Variants in ATP11C observed in about 807,000 individuals in gnomAD.
ATP11C encodes the protein phospholipid-transporting ATPase IG.
ATP11C carries 36 observed loss-of-function variants against 97.4 expected under a neutral mutation model. The observed-to-expected ratio is 0.37, with a 90% confidence interval of 0.28 to 0.49. The LOEUF is 0.49. Among genes scored for constraint, ATP11C ranks in the 20% least tolerant of loss-of-function variants. The probability of loss-of-function intolerance (pLI) is 0.98; values close to 1 mark genes in which losing one functional copy is unlikely to be tolerated. For missense variants in ATP11C, 730 were observed against 824.6 expected, an observed-to-expected ratio of 0.89 and a Z score of 1.40; for synonymous variants, 275 against 290.9, an observed-to-expected ratio of 0.95 and a Z score of 0.56.
At chrX:139,860,188 T>C (rs1282609462) in intron 1 of ATP11C, among the ~76,000 whole-genome samples, 3 of 110,244 alleles carry the variant, frequency 2.7e-5, no homozygotes, top group Non-Finnish European at 3.8e-5. Flanking sequence ...ATAGAGTTCA[T>C]TAGACTTTTC....
intron 1 of ATP11C, among the ~76,000 whole-genome samples, chrX:139,882,280 G>A (rs1373668134): frequency 1.8e-5 from 2 of 111,788 alleles, no homozygotes; most frequent in East Asian, 5.6e-4. Flanking sequence ...AAGTTTTTTG[G>A]AAGAAAAAAC....
At chrX:139,901,252 C>T (rs752947741) in intron 1 of ATP11C, among the ~76,000 whole-genome samples, 31 of 111,440 alleles carry the variant, frequency 2.8e-4, no homozygotes, top group Admixed American at 6.7e-4. Flanking sequence ...TAAGTCAGTG[C>T]CCATCAGAAC....
chrX:139,882,884 G>A (rs1431694277), intron 1 of ATP11C, among the ~76,000 whole-genome samples: 1 of 111,541 alleles, frequency 9.0e-6, no homozygotes, highest in Non-Finnish European at 1.9e-5. Flanking sequence ...CCCAAGGAGT[G>A]GTATGTGCCT....
intron 3 of ATP11C, among the ~76,000 whole-genome samples, chrX:139,818,491 T>C (rs2083335026): frequency 1.8e-5 from 2 of 112,050 alleles, no homozygotes; most frequent in South Asian, 7.4e-4. Context: ...ATTCTATATC[T>C]GTAAGACATC....
chrX:139,921,641 C>A (rs564469009), intron 1 of ATP11C, among the ~76,000 whole-genome samples: 2 of 111,663 alleles, frequency 1.8e-5, no homozygotes, highest in South Asian at 7.5e-4. Context: ...CAAAAGCTTT[C>A]TTATCTAATA....
chrX:139,796,397 A>T lies in ATP11C; in HGVS notation c.1082T>A (p.Val361Asp). The change falls in exon 12 of 30, where the codon GTC becomes GAC. Residue 361 changes from valine to aspartate, a missense_variant. Physicochemically the swap from Val to Asp is radical, Grantham distance 152. Coordinates refer to ENST00000682941, the MANE Select transcript of ATP11C (RefSeq NM_001353812.2). Reference protein sequence around the residue: ...FNFIIPVSMYVTVEMQKFLGS... With the variant: ...FNFIIPVSMYDTVEMQKFLGS... ...CAAGAATTTCTGCATTTCTACTGTG[A>T]CGTACATGGAGACAGGAATGATAAA... is the stretch of plus-strand genomic sequence containing the variant. The T allele has an allele frequency of 8.3e-7, 1 of 1,205,371 alleles. No individual in the cohort carries two copies. The highest frequency in any genetic ancestry group is 1.1e-6 in the Non-Finnish European group (1 of 889,860).
chrX:139,857,541 CCT>C (rs1368157098), intron 1 of ATP11C, among the ~76,000 whole-genome samples: 4 of 111,138 alleles, frequency 3.6e-5, no homozygotes, highest in Admixed American at 9.6e-5. Flanking sequence ...CCTGCTCTGC[CCT>C]GATTCCCGCC....
chrX:139,813,358 T>C (rs1483431503), intron 5 of ATP11C, among the ~76,000 whole-genome samples: 14 of 112,152 alleles, frequency 1.2e-4, no homozygotes, highest in South Asian at 1.1e-3. Context: ...CTTTGGAAGA[T>C]AGTTTGGCAG....
At chrX:139,870,912 C>T (rs111638162) in intron 1 of ATP11C, among the ~76,000 whole-genome samples, 24 of 108,553 alleles carry the variant, frequency 2.2e-4, no homozygotes, top group African/African-American at 7.7e-4. Context: ...AAAAATTAGC[C>T]GGGCGCGGTG....
chrX:139,867,146 C>T (rs1374596304), intron 1 of ATP11C, among the ~76,000 whole-genome samples: 2 of 111,722 alleles, frequency 1.8e-5, no homozygotes, highest in Non-Finnish European at 3.8e-5. Context: ...AATCGTTCAA[C>T]AAATATTCAC....
intron 19 of ATP11C, among the ~76,000 whole-genome samples, chrX:139,773,415 C>T (rs2082293522): frequency 9.0e-6 from 1 of 110,970 alleles, no homozygotes. Flanking sequence ...ATTTGCAAGC[C>T]AGAAAAAAGC....
At chrX:139,841,344 T>C (rs1018965413) in intron 1 of ATP11C, among the ~76,000 whole-genome samples, 6 of 112,420 alleles carry the variant, frequency 5.3e-5, no homozygotes, top group Admixed American at 4.7e-4. Flanking sequence ...GTAGTTTTCA[T>C]CCACACACTT....
In ATP11C at chrX:139,743,602, C is replaced by A; in HGVS notation, c.2987G>T (p.Gly996Val). The change falls in exon 26 of 30, where the codon GGA becomes GTA. Residue 996 changes from glycine (G) to valine (V), a missense_variant. Coordinates refer to ENST00000682941, the MANE Select transcript of ATP11C (RefSeq NM_001353812.2). ...TACTAAGACTGTAAAAACAATGGTT[C>A]CAAAAGTCCAGTTTCCGTATACCTG... ...NGKVYGNWTF[G>V]TIVFTVLVFT... 8.6e-7 allele frequency: 1 copy of A among 1,169,124 alleles called. No homozygotes were observed. Among genetic ancestry groups the A allele is most frequent in the Non-Finnish European group, 1.2e-6 (1 of 866,246 alleles).
At chrX:139,904,674 G>A (rs930971225) in intron 1 of ATP11C, among the ~76,000 whole-genome samples, 7 of 111,807 alleles carry the variant, frequency 6.3e-5, no homozygotes, top group African/African-American at 2.3e-4. Context: ...GTAAGATTGG[G>A]TGGTCTGACA....
intron 1 of ATP11C, among the ~76,000 whole-genome samples, chrX:139,838,619 A>G (rs2083781633): frequency 8.9e-6 from 1 of 112,206 alleles, no homozygotes; most frequent in African/African-American, 3.2e-5. Context: ...ATCAGAACAA[A>G]AACTTGTGCA....
At chrX:139,802,099 T>C (rs1208105848) in intron 7 of ATP11C, 137 bp downstream of exon 7, 7 of 473,864 alleles carry the variant, frequency 1.5e-5, no homozygotes, top group Non-Finnish European at 1.9e-5. Flanking sequence ...TTCATTTTTC[T>C]GCCAGAAGGA....
At chrX:139,739,028 T>C (rs976144843) in intron 27 of ATP11C, among the ~76,000 whole-genome samples, 2 of 111,499 alleles carry the variant, frequency 1.8e-5, no homozygotes, top group African/African-American at 6.5e-5. Context: ...TCTACTTTTA[T>C]GAAAATTAGA....
At chrX:139,883,915 C>T (rs1271573583) in intron 1 of ATP11C, among the ~76,000 whole-genome samples, 2 of 111,577 alleles carry the variant, frequency 1.8e-5, no homozygotes, top group Non-Finnish European at 3.8e-5. Flanking sequence ...TCATAATTAA[C>T]CACAAAGTCT....
intron 1 of ATP11C, among the ~76,000 whole-genome samples, chrX:139,927,722 C>CATAATAAATCTCAAA (rs2085373782): frequency 1.9e-5 from 2 of 107,520 alleles, no homozygotes; most frequent in Non-Finnish European, 3.8e-5. Context: ...ATCCAATTCC[C>CATAATAAATCTCAAA]ATAATAAATC....
Sources: allele counts gnomAD v4.1 joint callset (sites outside exome capture counted in the v4.1 genomes callset), GRCh38; gene constraint gnomAD v4.1.1; transcripts MANE v1.5; gene names NCBI Gene and HGNC (gene_info 2026-07-23, HGNC 2026-07-21).